Variants in MGAT1 observed in about 807,000 individuals in gnomAD.
The protein encoded by MGAT1 is alpha-1,3-mannosyl-glycoprotein 2-beta-N-acetylglucosaminyltransferase.
MGAT1 carries 14 observed loss-of-function variants against 31.7 expected under a neutral mutation model. That is an observed-to-expected ratio of 0.44 (90% confidence interval 0.29 to 0.69). The LOEUF (loss-of-function observed/expected upper bound fraction) is 0.69. Among genes scored for constraint, MGAT1 ranks in the 30% least tolerant of loss-of-function variants. MGAT1 has a pLI of 0.12. For missense variants in MGAT1, 557 were observed against 626.0 expected (o/e 0.89, Z 1.18); for synonymous variants, 338 against 276.0 (o/e 1.22, Z -2.23).
chr5:180,812,131 G>C (rs1772617776), intron 1 of MGAT1, among the ~76,000 whole-genome samples: 1 of 152,228 alleles, frequency 6.6e-6, no homozygotes, highest in South Asian at 2.1e-4. Context: ...CCTGAGTGGA[G>C]GCACATTTGA....
chr5:180,791,328 T>C lies in MGAT1; in HGVS notation c.*306A>G. 1 of 451,982 alleles carries C rather than the reference T, an allele frequency of 2.2e-6. No individual in the cohort carries two copies. The highest frequency in any genetic ancestry group is 4.0e-6 in the Non-Finnish European group (1 of 251,556). 28.0% of individuals were successfully genotyped at this position (451,982 alleles called of 1,614,324 possible). Reference sequence around the variant, plus strand: ...CGAACGTTGCCAAACTCTCTGCACATGCTCCAGGAGAAAGCTCAGGACGTG... The same window carrying C: ...CGAACGTTGCCAAACTCTCTGCACACGCTCCAGGAGAAAGCTCAGGACGTG... On this transcript the variant is annotated 3_prime_UTR_variant, in exon 2 of 2. Transcript: ENST00000307826.
intron 1 of MGAT1, among the ~76,000 whole-genome samples, chr5:180,811,605 C>T (rs928833660): frequency 6.6e-6 from 1 of 150,550 alleles, no homozygotes; most frequent in Non-Finnish European, 1.5e-5. Flanking sequence ...GATGCAACAC[C>T]TCAACATGTC....
chr5:180,810,585 C>A (rs1370095047), intron 1 of MGAT1: 3 of 152,338 alleles, frequency 2.0e-5, no homozygotes, highest in Admixed American at 2.0e-4. Context: ...AGGGGCGGAA[C>A]CTGTGCGGTG....
At chr5:180,812,106 C>T (rs1772616389) in intron 1 of MGAT1, among the ~76,000 whole-genome samples, 1 of 152,224 alleles carries the variant, frequency 6.6e-6, no homozygotes, top group Non-Finnish European at 1.5e-5. Context: ...TCTCCCACTA[C>T]TAGAATTTAA....
chr5:180,812,706 T>C (rs1772652684), intron 1 of MGAT1, among the ~76,000 whole-genome samples: 1 of 152,198 alleles, frequency 6.6e-6, no homozygotes, highest in Non-Finnish European at 1.5e-5. Flanking sequence ...AAAAATGAAA[T>C]CTAGTTTATT....
At chr5:180,814,751 C>T (rs923103973) in intron 1 of MGAT1, among the ~76,000 whole-genome samples, 2 of 151,898 alleles carry the variant, frequency 1.3e-5, no homozygotes, top group South Asian at 2.1e-4. Flanking sequence ...ACCAACCTGA[C>T]CAAGATGGTG....
At chr5:180,802,195 T>A (rs1239934904) in intron 1 of MGAT1, among the ~76,000 whole-genome samples, 1 of 152,126 alleles carries the variant, frequency 6.6e-6, no homozygotes, top group Non-Finnish European at 1.5e-5. Flanking sequence ...GGCTCTCTAC[T>A]CCACACACGT....
At chr5:180,801,183 G>A (rs1265072782) in intron 1 of MGAT1, among the ~76,000 whole-genome samples, 2 of 152,224 alleles carry the variant, frequency 1.3e-5, no homozygotes, top group African/African-American at 4.8e-5. Flanking sequence ...GTGTTCTCCA[G>A]CCTATTTCCT....
Position 180,791,840 on chromosome 5 carries a change from G to A in MGAT1, c.1132C>T (p.Arg378Trp), listed in dbSNP as rs775650836. Residue 378 changes from arginine to tryptophan, a missense_variant, in exon 2 of 2, where the codon CGG becomes TGG. Physicochemically the swap from Arg to Trp is moderately radical, Grantham distance 101. Around this residue, in one of 3 missense-constraint regions of MGAT1, gnomAD observed 145 missense variants for 143.2 expected, o/e 1.01. Coordinates refer to ENST00000307826, the MANE Select transcript of MGAT1 (RefSeq NM_002406.4). ...ACCCGCACCTCCCCCAGCTCCTTCC[G>A]GTCATTGGTCCTCACTTTCTCCACC... ...LQVEKVRTNDRKELGEVRVQY... is the reference protein window; with the variant it reads ...LQVEKVRTNDWKELGEVRVQY... 13 of 1,614,090 alleles carry A rather than the reference G, an allele frequency of 8.1e-6. No homozygotes were observed. The East Asian group carries it at 8.9e-5, about 11-fold the overall frequency.
Position 180,789,300 on chromosome 5 carries a change from G to C in MGAT1, c.*2334C>G, listed in dbSNP as rs940631198. On this transcript the variant is annotated 3_prime_UTR_variant, in exon 2 of 2. Transcript: ENST00000307826. ...CAGGGTTTTTGGTTTGTTTTGTTTT[G>C]AGACGCAGTTTCGCTCTTACCGCCC... The C allele has an allele frequency of 6.6e-6, 1 of 152,122 alleles. No individual in the cohort carries two copies. The highest frequency in any genetic ancestry group is 2.4e-5 in the African/African-American group (1 of 41,378). The allele number at this position is 152,122 out of a possible 1,614,324, so 9.4% of individuals were successfully genotyped here.
At chr5:180,805,695 A>C (rs1771758508), upstream of MGAT1, among the ~76,000 whole-genome samples, 1 of 152,062 alleles carries the variant, frequency 6.6e-6, no homozygotes, top group Non-Finnish European at 1.5e-5. Context: ...GGTTGCAGTG[A>C]GCAGAGACCA....
intron 1 of MGAT1, among the ~76,000 whole-genome samples, chr5:180,800,794 T>G (rs1029533683): frequency 6.6e-6 from 1 of 152,188 alleles, no homozygotes; most frequent in Admixed American, 6.5e-5. Context: ...TACTTACGGG[T>G]GAGGCCCTTG....
rs1051268032 is a variant in MGAT1, at chr5:180,787,236, C to G, written c.*4398G>C. 1 of 152,286 alleles carries G rather than the reference C, an allele frequency of 6.6e-6. No individual in the cohort carries two copies. Among genetic ancestry groups the G allele is most frequent in the Non-Finnish European group, 1.5e-5 (1 of 68,094 alleles). 9.4% of individuals were successfully genotyped at this position (152,286 alleles called of 1,614,324 possible). Reference sequence around the variant, plus strand: ...CCAGGCCCACCGCACTCTATGACATCGGCCACCAGGCTGGTCTCCAGGAAA... The same window carrying G: ...CCAGGCCCACCGCACTCTATGACATGGGCCACCAGGCTGGTCTCCAGGAAA... On this transcript the variant is annotated 3_prime_UTR_variant, in exon 2 of 2. Transcript: ENST00000307826.
upstream of MGAT1, among the ~76,000 whole-genome samples, chr5:180,804,387 T>G (rs1030401941): frequency 6.6e-6 from 1 of 152,196 alleles, no homozygotes; most frequent in Non-Finnish European, 1.5e-5. Flanking sequence ...GGCGCTGCCG[T>G]GAAGCCTCCG....
intron 1 of MGAT1, among the ~76,000 whole-genome samples, chr5:180,813,728 A>G (rs1772703357): frequency 6.6e-6 from 1 of 152,186 alleles, no homozygotes; most frequent in Non-Finnish European, 1.5e-5. Flanking sequence ...TCTTTATACC[A>G]GTGGACCCCT....
At chr5:180,802,182 C>A (rs957844035) in intron 1 of MGAT1, among the ~76,000 whole-genome samples, 2 of 152,164 alleles carry the variant, frequency 1.3e-5, no homozygotes, top group African/African-American at 4.8e-5. Context: ...CTGCACGTCC[C>A]GGGGCTCTCT....
chr5:180,810,828 C>T (rs113791144), intron 1 of MGAT1: 11,079 of 152,436 alleles, frequency 0.073, 517 homozygotes, highest in South Asian at 0.18. Flanking sequence ...CGCTGCCTCT[C>T]TTGACGAGGC....
At position 180,802,771 on chromosome 5, in the gene MGAT1, G is replaced by A. The variant is rs1253020075; in HGVS notation, c.-218C>T. On this transcript the variant is annotated 5_prime_UTR_variant, in exon 1 of 2. Coordinates refer to ENST00000307826, the MANE Select transcript of MGAT1 (RefSeq NM_002406.4). ...CCAGGCGCGTCCCAAGCGCTGCCGC[G>A]GCCGCCTCGCCTTTCGACTCGCCAG... 6 of 152,072 alleles carry A rather than the reference G, an allele frequency of 3.9e-5. No individual in the cohort carries two copies. The highest frequency in any genetic ancestry group is 7.4e-5 in the Non-Finnish European group (5 of 67,990). The allele number at this position is 152,072 out of a possible 1,614,324, so 9.4% of individuals were successfully genotyped here.
rs567007584 is a variant in MGAT1, at chr5:180,815,189, G to A, written c.-546+225C>T. On this transcript the variant is annotated intron_variant, in intron 1 of 2. Transcript: ENST00000333055. ...GTCTCTCTTCCTCTCTTATAAAGCC[G>A]CCAGTTCTCCCATGATGAATCCATT... is the stretch of plus-strand genomic sequence containing the variant. Among the ~76,000 whole-genome samples the A allele has an allele frequency of 5.2e-4, 79 of 152,150 alleles. 1 individual carries two copies. The highest frequency in any genetic ancestry group is 1.4e-3 in the African/African-American group (57 of 41,508).
Sources: allele counts gnomAD v4.1 joint callset (sites outside exome capture counted in the v4.1 genomes callset), GRCh38; gene constraint gnomAD v4.1.1; regional missense constraint gnomAD v4.1.1; transcripts MANE v1.5; gene names NCBI Gene and HGNC (gene_info 2026-07-23, HGNC 2026-07-21).